SDK1: variants seen among roughly 807,000 people sequenced by gnomAD.
The protein encoded by SDK1 is protein sidekick-1.
A neutral mutation model predicts 245.5 loss-of-function variants in SDK1; 157 were observed. That is an observed-to-expected ratio of 0.64 (90% CI 0.56 to 0.73). The LOEUF (loss-of-function observed/expected upper bound fraction) is 0.73. Among genes scored for constraint, SDK1 ranks in the 30% least tolerant of loss-of-function variants. SDK1 has a pLI of 0.00. For missense variants in SDK1, 3,583 were observed against 3,002.3 expected, an observed-to-expected ratio of 1.19 and a Z score of -4.52; for synonymous variants, 1,647 against 1,278.5, an observed-to-expected ratio of 1.29 and a Z score of -6.15.
intron 22 of SDK1, among the ~76,000 whole-genome samples, chr7:4,103,157 C>T (rs906370736): frequency 1.3e-5 from 2 of 151,576 alleles, no homozygotes; most frequent in Non-Finnish European, 2.9e-5. Flanking sequence ...CCCGCCACCA[C>T]GTCCAGAGAA....
Position 4,086,618 on chromosome 7 carries a change from C to A in SDK1, c.3324+7034C>A, listed in dbSNP as rs570237764. Among the ~76,000 whole-genome samples the A allele has an allele frequency of 4.6e-5, 7 of 152,080 alleles. No homozygotes were observed. The South Asian group carries it at 1.5e-3, about 32-fold the overall frequency. Reference sequence around the variant, plus strand: ...AAGTCCTCTCAGACTCTGGCTCTTTCCTCCTCCTTCCTTCTCATCTCTCTG... The same window carrying A: ...AAGTCCTCTCAGACTCTGGCTCTTTACTCCTCCTTCCTTCTCATCTCTCTG... On this transcript the variant is annotated intron_variant, in intron 22 of 44. Coordinates refer to ENST00000404826, the MANE Select transcript of SDK1 (RefSeq NM_152744.4).
At chr7:3,873,223 T>G (rs1315839388) in intron 5 of SDK1, among the ~76,000 whole-genome samples, 1 of 152,150 alleles carries the variant, frequency 6.6e-6, no homozygotes, top group Non-Finnish European at 1.5e-5. Context: ...TGTAGAATCC[T>G]GTATTGAGAT....
chr7:3,854,673 A>G (rs1406693639), intron 5 of SDK1, among the ~76,000 whole-genome samples: 2 of 152,214 alleles, frequency 1.3e-5, no homozygotes, highest in South Asian at 2.1e-4. Context: ...ACAATTTAGT[A>G]TTTCTCTGCA....
At chr7:3,375,748 C>A (rs1057160206) in intron 1 of SDK1, among the ~76,000 whole-genome samples, 1 of 152,260 alleles carries the variant, frequency 6.6e-6, no homozygotes, top group Admixed American at 6.5e-5. Flanking sequence ...AGTGGATCCT[C>A]CAGCCCCAGG....
intron 20 of SDK1, among the ~76,000 whole-genome samples, chr7:4,070,439 C>G (rs1780176894): frequency 6.6e-6 from 1 of 152,296 alleles, no homozygotes; most frequent in East Asian, 1.9e-4. Flanking sequence ...TCACGTGTGT[C>G]CCACTGGCAT....
chr7:3,410,578 C>CTTTTTTTT (rs776277920), intron 1 of SDK1, among the ~76,000 whole-genome samples: 10 of 82,062 alleles, frequency 1.2e-4, no homozygotes, highest in Non-Finnish European at 1.8e-4. Context: ...GAAATGATAT[C>CTTTTTTTT]TTTTTTTTTT....
intron 30 of SDK1, among the ~76,000 whole-genome samples, chr7:4,156,008 C>T (rs953125226): frequency 1.3e-5 from 2 of 152,170 alleles, no homozygotes; most frequent in Admixed American, 6.5e-5. Flanking sequence ...AGTGAGCTTG[C>T]CCCACACCAC....
At chr7:4,164,574 C>A (rs1449510793) in intron 32 of SDK1, among the ~76,000 whole-genome samples, 1 of 152,228 alleles carries the variant, frequency 6.6e-6, no homozygotes, top group Non-Finnish European at 1.5e-5. Context: ...CCAGAAAATT[C>A]ACATTTTCTT....
At chr7:4,123,291 C>T (rs1171172762) in intron 25 of SDK1, among the ~76,000 whole-genome samples, 4 of 152,120 alleles carry the variant, frequency 2.6e-5, no homozygotes, top group African/African-American at 4.8e-5. Context: ...GTGTTCTTAC[C>T]TTATTCTAAA....
At chr7:3,611,029 A>T (rs1392190240) in intron 1 of SDK1, among the ~76,000 whole-genome samples, 2 of 152,204 alleles carry the variant, frequency 1.3e-5, no homozygotes, top group African/African-American at 4.8e-5. Flanking sequence ...TTGAAATAAG[A>T]GATATATTCT....
At chr7:4,248,620 CTAAA>C (rs1447446103) in intron 44 of SDK1, among the ~76,000 whole-genome samples, 4 of 151,342 alleles carry the variant, frequency 2.6e-5, no homozygotes, top group African/African-American at 9.7e-5. Flanking sequence ...ATGCACATAC[CTAAA>C]TACACACACA....
intron 1 of SDK1, among the ~76,000 whole-genome samples, chr7:3,558,460 A>G (rs1779655104): frequency 1.3e-5 from 2 of 152,226 alleles, no homozygotes; most frequent in Non-Finnish European, 2.9e-5. Flanking sequence ...TTTGTTTGAA[A>G]AGATCATAGA....
Position 4,265,781 on chromosome 7 carries a change from C to G in SDK1, c.*397C>G. On this transcript the variant is annotated 3_prime_UTR_variant, in exon 45 of 45. Transcript: ENST00000404826. ...AGGTGAGATCTCAGAGCTGCCCCGG[C>G]CGGCCCCCGTCTCTTTCTACCTCCT... 1 of 1,014,014 alleles carries G rather than the reference C, an allele frequency of 9.9e-7. No individual in the cohort carries two copies. Among genetic ancestry groups the G allele is most frequent in the Non-Finnish European group, 1.2e-6 (1 of 850,654 alleles). The allele number at this position is 1,014,014 out of a possible 1,614,324, so 62.8% of individuals were successfully genotyped here. A position where few individuals can be genotyped will look rare whatever the true frequency, so the allele number is the denominator to read the frequency against.
At chr7:3,434,543 T>G (rs1253192501) in intron 1 of SDK1, among the ~76,000 whole-genome samples, 1 of 152,204 alleles carries the variant, frequency 6.6e-6, no homozygotes, top group Non-Finnish European at 1.5e-5. Context: ...TCACAGCTCC[T>G]TAAGTATTAT....
intron 5 of SDK1, among the ~76,000 whole-genome samples, chr7:3,918,139 A>C (rs1248581284): frequency 6.6e-6 from 1 of 152,170 alleles, no homozygotes; most frequent in Non-Finnish European, 1.5e-5. Context: ...ACTCAACAGA[A>C]GATCAGGAAT....
At chr7:4,018,773 T>C (rs745933021) in intron 17 of SDK1, among the ~76,000 whole-genome samples, 3 of 152,136 alleles carry the variant, frequency 2.0e-5, no homozygotes, top group Non-Finnish European at 4.4e-5. Context: ...TGGGGAACCA[T>C]GAAAGGCTTA....
chr7:3,623,216 C>G (rs1781999079), intron 2 of SDK1, among the ~76,000 whole-genome samples: 2 of 150,086 alleles, frequency 1.3e-5, no homozygotes, highest in African/African-American at 2.5e-5. Flanking sequence ...GCGTTACACA[C>G]TGCACAGTGA....
chr7:3,505,347 A>G (rs1782360383), intron 1 of SDK1, among the ~76,000 whole-genome samples: 1 of 152,208 alleles, frequency 6.6e-6, no homozygotes, highest in Admixed American at 6.5e-5. Context: ...CCTTGGCTCA[A>G]GGAATCCAAT....
At chr7:3,424,059 G>A (rs1292248467) in intron 1 of SDK1, among the ~76,000 whole-genome samples, 4 of 151,860 alleles carry the variant, frequency 2.6e-5, no homozygotes, top group African/African-American at 7.3e-5. Flanking sequence ...CTACAGGTGC[G>A]CGCCACCATG....
Sources: allele counts gnomAD v4.1 joint callset (sites outside exome capture counted in the v4.1 genomes callset), GRCh38; gene constraint gnomAD v4.1.1; transcripts MANE v1.5; gene names NCBI Gene and HGNC (gene_info 2026-07-23, HGNC 2026-07-21).